The following SLC17A1 variants were observed in gnomAD, a reference collection of about 807,000 sequenced individuals.
SLC17A1 encodes the protein sodium-dependent phosphate transport protein 1.
In SLC17A1, 51 loss-of-function variants were observed where a neutral mutation model predicts 53.5. The ratio of observed to expected loss-of-function variants is 0.95; its 90% CI spans 0.76 to 1.20. The LOEUF (loss-of-function observed/expected upper bound fraction) is 1.20, where lower values mean the gene tolerates loss of function less well. SLC17A1 is among the 50% of genes most tolerant of loss of function. SLC17A1 has a pLI of 0.00. For synonymous variants in SLC17A1, 179 were observed against 198.8 expected, an observed-to-expected ratio of 0.90 and a Z score of 0.84; for missense variants, 538 against 568.2, an observed-to-expected ratio of 0.95 and a Z score of 0.54.
intron 3 of SLC17A1, among the ~76,000 whole-genome samples, chr6:25,822,717 G>T (rs181646425): frequency 6.6e-6 from 1 of 151,804 alleles, no homozygotes; most frequent in African/African-American, 2.4e-5. Flanking sequence ...TAGAATATGA[G>T]GTTCTCAGTA....
At chr6:25,825,163 C>A (rs1764697538) in intron 3 of SLC17A1, among the ~76,000 whole-genome samples, 1 of 151,906 alleles carries the variant, frequency 6.6e-6, no homozygotes, top group Non-Finnish European at 1.5e-5. Context: ...TATTTGTTAT[C>A]AATTCTAACA....
downstream of SLC17A1, chr6:25,781,205 GAA>G (rs71532282): frequency 9.6e-6 from 1 of 103,646 alleles, no homozygotes; most frequent in Admixed American, 1.1e-4. Flanking sequence ...AGAAAGAAAA[GAA>G]AGAGAGAGAG....
In SLC17A1 at chr6:25,819,705, G is replaced by A. The variant is rs191415930; in HGVS notation, c.418C>T (p.Arg140Ter). The A allele has an allele frequency of 9.9e-6, 16 of 1,613,960 alleles. No individual in the cohort carries two copies. Among genetic ancestry groups the A allele is most frequent in the Non-Finnish European group, 1.4e-5 (16 of 1,180,000 alleles). The change falls in exon 4 of 13, where the codon CGA (arginine) becomes TGA (stop). Residue 140 changes from arginine (R) to a stop codon, truncating the protein, a stop_gained. Transcript: ENST00000244527. LOFTEE classifies it high-confidence loss of function. ...GIGVAWVVVC[R>*]AVQGAAQGIV... is the part of the protein sequence containing the mutation. Reference sequence around the variant, plus strand: ...ACCTGGGCTGCTCCCTGAACTGCTCGACATACAACGACCCAAGCTACTCCA... The same window carrying A: ...ACCTGGGCTGCTCCCTGAACTGCTCAACATACAACGACCCAAGCTACTCCA...
At chr6:25,812,379 G>T (rs1764188002) in intron 8 of SLC17A1, among the ~76,000 whole-genome samples, 1 of 152,138 alleles carries the variant, frequency 6.6e-6, no homozygotes, top group Admixed American at 6.5e-5. Flanking sequence ...ATGAGCAATG[G>T]GTATGCCAGT....
At chr6:25,751,161 G>A in the SLC17A1 span, among the ~76,000 whole-genome samples, 3 of 152,106 alleles carry the variant, frequency 2.0e-5, no homozygotes, top group South Asian at 2.1e-4. Flanking sequence ...ACCTAGTCTC[G>A]TTAGTTCATG....
At chr6:25,807,729 G>A (rs192599442) in intron 10 of SLC17A1, among the ~76,000 whole-genome samples, 55 of 151,966 alleles carry the variant, frequency 3.6e-4, no homozygotes, top group African/African-American at 1.3e-3. Flanking sequence ...CCATTCCTGA[G>A]TTACAAGTTA....
At chr6:25,765,193 T>C in the SLC17A1 span, among the ~76,000 whole-genome samples, 10 of 152,186 alleles carry the variant, frequency 6.6e-5, no homozygotes, top group Non-Finnish European at 1.3e-4. Flanking sequence ...AGGCATGTGT[T>C]AGATAAAAAA....
chr6:25,793,616 A>G (rs1763547310), intron 12 of SLC17A1, among the ~76,000 whole-genome samples: 1 of 152,086 alleles, frequency 6.6e-6, no homozygotes, highest in African/African-American at 2.4e-5. Flanking sequence ...AGTCCTGATG[A>G]TGTTGCTCAC....
the SLC17A1 span, chr6:25,726,268 G>A: frequency 1.2e-6 from 2 of 1,614,010 alleles, no homozygotes; most frequent in Non-Finnish European, 8.5e-7. Flanking sequence ...ATTGCGGATC[G>A]CTAGCTGCAG....
intron 3 of SLC17A1, among the ~76,000 whole-genome samples, chr6:25,825,462 G>A (rs1676102049): frequency 6.6e-6 from 1 of 151,904 alleles, no homozygotes; most frequent in Non-Finnish European, 1.5e-5. Flanking sequence ...ACCTTAAAAA[G>A]TTCACTTTTC....
chr6:25,811,167 C>T (rs138588329), intron 10 of SLC17A1, among the ~76,000 whole-genome samples: 6 of 152,170 alleles, frequency 3.9e-5, no homozygotes, highest in Non-Finnish European at 7.4e-5. Context: ...TTGTATAACA[C>T]AGTGACTACA....
the SLC17A1 span, chr6:25,777,753 T>C: frequency 1.7e-6 from 1 of 585,336 alleles, no homozygotes; most frequent in Non-Finnish European, 3.1e-6. Context: ...CATTCAGGTT[T>C]CACCAAGGCT....
At chr6:25,790,072 C>A (rs1349987063) in intron 12 of SLC17A1, among the ~76,000 whole-genome samples, 1 of 151,994 alleles carries the variant, frequency 6.6e-6, no homozygotes, top group African/African-American at 2.4e-5. Flanking sequence ...TAAAAACTTT[C>A]CTGTACCTTG....
chr6:25,762,121 T>C, the SLC17A1 span: 2 of 1,356,614 alleles, frequency 1.5e-6, no homozygotes, highest in Non-Finnish European at 2.1e-6. Context: ...CTTGTGGTAC[T>C]AAATAAAACT....
the SLC17A1 span, among the ~76,000 whole-genome samples, chr6:25,776,090 A>G: frequency 1.3e-5 from 2 of 152,142 alleles, no homozygotes; most frequent in Non-Finnish European, 2.9e-5. Flanking sequence ...TGCCCTCAAT[A>G]GAGCACCAGT....
the SLC17A1 span, among the ~76,000 whole-genome samples, chr6:25,731,174 G>A: frequency 6.6e-6 from 1 of 152,154 alleles, no homozygotes; most frequent in African/African-American, 2.4e-5. Flanking sequence ...AGAAACCTTA[G>A]GCTTTGGACC....
At chr6:25,782,394 G>A (rs1316698365), downstream of SLC17A1, among the ~76,000 whole-genome samples, 1 of 152,096 alleles carries the variant, frequency 6.6e-6, no homozygotes, top group Non-Finnish European at 1.5e-5. Flanking sequence ...ACATTATTTT[G>A]TAGCATCTTT....
chr6:25,738,557 G>GC, the SLC17A1 span, among the ~76,000 whole-genome samples: 1 of 151,594 alleles, frequency 6.6e-6, no homozygotes, highest in Non-Finnish European at 1.5e-5. Context: ...AAAAGTAAAA[G>GC]CTTTTGTTCT....
the SLC17A1 span, among the ~76,000 whole-genome samples, chr6:25,744,588 T>C: frequency 1.3e-5 from 2 of 152,220 alleles, no homozygotes; most frequent in African/African-American, 4.8e-5. Flanking sequence ...ATACAGTACA[T>C]TTTAGTATTT....
Sources: allele counts gnomAD v4.1 joint callset (sites outside exome capture counted in the v4.1 genomes callset), GRCh38; gene constraint gnomAD v4.1.1; transcripts MANE v1.5; gene names NCBI Gene and HGNC (gene_info 2026-07-23, HGNC 2026-07-21).